Variants in ZNF114 observed in about 807,000 individuals in gnomAD.
The protein encoded by ZNF114 is zinc finger protein 114 (Y18).
A neutral mutation model predicts 6.8 loss-of-function variants in ZNF114; 8 were observed. That is an observed-to-expected ratio of 1.18 (90% CI 0.69 to 2.13). The LOEUF is 2.13. Ranked by LOEUF, ZNF114 falls within the 30% of genes most tolerant of loss-of-function variation. The pLI, the probability that ZNF114 is intolerant of heterozygous loss-of-function variation, is 0.00. For synonymous variants in ZNF114, 169 were observed against 185.5 expected (o/e 0.91, Z 0.72); for missense variants, 472 against 519.5 (o/e 0.91, Z 0.89).
At chr19:48,283,163 G>T (rs1476160806) in intron 5 of ZNF114, among the ~76,000 whole-genome samples, 6 of 152,066 alleles carry the variant, frequency 3.9e-5, no homozygotes, top group Admixed American at 3.3e-4. Context: ...TTACAGGCAT[G>T]CTCTACCACC....
intron 3 of ZNF114, 104 bp from the exon 4 acceptor site, chr19:48,279,627 G>A (rs1457681942): frequency 8.1e-6 from 6 of 742,894 alleles, no homozygotes; most frequent in Non-Finnish European, 1.1e-5. Flanking sequence ...GGAAGTGTGT[G>A]CACACGTGCA....
At chr19:48,275,419 AACACACACACACAC>A (rs58275965) in intron 3 of ZNF114, among the ~76,000 whole-genome samples, 127 of 133,194 alleles carry the variant, frequency 9.5e-4, no homozygotes, top group East Asian at 3.9e-3. Flanking sequence ...TCTCTACTAA[AACACACACACACAC>A]ACACACACAC....
In ZNF114 at chr19:48,287,421, TG is replaced by T. The variant is rs1413632835; in HGVS notation, c.*546del. ...CTGAGGTAGGAGAATGGTGTAAACCTGGGAGGTGGAGCTTGCAGTGAGCCGA... is the reference window on the plus strand; with the variant it reads ...CTGAGGTAGGAGAATGGTGTAAACCTGGAGGTGGAGCTTGCAGTGAGCCGA... On this transcript the variant is annotated 3_prime_UTR_variant, in exon 6 of 6. Transcript: ENST00000595607. 1 of 150,118 alleles carries T rather than the reference TG, an allele frequency of 6.7e-6. No homozygotes were observed. Among genetic ancestry groups the T allele is most frequent in the East Asian group, 2.0e-4 (1 of 5,116 alleles). 9.3% of individuals were successfully genotyped at this position (150,118 alleles called of 1,614,324 possible). A position where few individuals can be genotyped will look rare whatever the true frequency, so the allele number is the denominator to read the frequency against.
At chr19:48,277,841 C>T (rs1380472970) in intron 3 of ZNF114, among the ~76,000 whole-genome samples, 2 of 19,872 alleles carry the variant, frequency 1.0e-4, no homozygotes, top group Non-Finnish European at 1.4e-4. Context: ...GTGTTCGTGA[C>T]GATATGAAGC....
Position 48,286,365 on chromosome 19 carries a change from G to T in ZNF114, c.741G>T (p.Met247Ile), listed in dbSNP as rs985431829. ...ACAACACTCATGGTCGAGAGAAAAT[G>T]TATGATTTTACTCAGTGCGAGAACA... ...RAHNTHGREK[M>I]YDFTQCENTS... The change falls in exon 6 of 6, where the codon ATG becomes ATT. Residue 247 changes from methionine (M) to isoleucine (I), a missense_variant. Transcript: ENST00000595607. 1 of 1,614,182 alleles carries T rather than the reference G, an allele frequency of 6.2e-7. No individual in the cohort carries two copies. The highest frequency in any genetic ancestry group is 8.5e-7 in the Non-Finnish European group (1 of 1,180,046).
intron 3 of ZNF114, among the ~76,000 whole-genome samples, chr19:48,272,493 C>T (rs1298120569): frequency 6.7e-6 from 1 of 149,114 alleles, no homozygotes; most frequent in African/African-American, 2.5e-5. Context: ...ACACGGGAGG[C>T]TGAGGCAGGA....
intron 3 of ZNF114, among the ~76,000 whole-genome samples, chr19:48,279,487 AGTGT>A (rs869267861): frequency 0.024 from 1,569 of 65,198 alleles, 53 homozygotes; most frequent in Middle Eastern, 0.12. Flanking sequence ...TGTGTGTGTG[AGTGT>A]GTGTGTGGGT....
intron 4 of ZNF114, 50 bp from the exon 5 acceptor site, chr19:48,282,321 A>C: frequency 6.2e-7 from 1 of 1,607,978 alleles, no homozygotes. Context: ...GTCACAGTTC[A>C]AACTGATAAC....
intron 4 of ZNF114, among the ~76,000 whole-genome samples, chr19:48,280,931 A>G (rs1967971053): frequency 6.6e-6 from 1 of 152,168 alleles, no homozygotes; most frequent in Non-Finnish European, 1.5e-5. Context: ...AAAGACACAC[A>G]GTTGGTCAAC....
At chr19:48,275,192 G>A (rs1967792206) in intron 3 of ZNF114, among the ~76,000 whole-genome samples, 1 of 121,346 alleles carries the variant, frequency 8.2e-6, no homozygotes, top group African/African-American at 3.1e-5. Context: ...AAGAGAGAGA[G>A]AAAAAGAGAG....
chr19:48,276,849 C>G (rs1967848875), intron 3 of ZNF114, among the ~76,000 whole-genome samples: 2 of 152,198 alleles, frequency 1.3e-5, no homozygotes, highest in African/African-American at 2.4e-5. Context: ...TAAAAATATT[C>G]AATTGTCCCA....
Position 48,286,760 on chromosome 19 carries a change from T to G in ZNF114, c.1136T>G (p.Ile379Arg), listed in dbSNP as rs780341411. ...CGGGAGTCCTCAAAATATACACATATAAGGAGCCACACTGGAGAGAAACCC... is the reference window on the plus strand; with the variant it reads ...CGGGAGTCCTCAAAATATACACATAGAAGGAGCCACACTGGAGAGAAACCC... Reference protein sequence around the residue: ...VIRESSKYTHIRSHTGEKPYK... With the variant: ...VIRESSKYTHRRSHTGEKPYK... Residue 379 changes from isoleucine (I) to arginine (R), a missense_variant, in exon 6 of 6, where the codon ATA becomes AGA. Physicochemically the swap from Ile to Arg is moderately conservative, Grantham distance 97. Transcript: ENST00000595607. 7 of 1,613,684 alleles carry G rather than the reference T, an allele frequency of 4.3e-6. No individual in the cohort carries two copies. Among genetic ancestry groups the G allele is most frequent in the Non-Finnish European group, 5.9e-6 (7 of 1,179,950 alleles).
At chr19:48,285,691 C>T in intron 5 of ZNF114, 70 bp from the exon 6 acceptor site, 5 of 1,494,666 alleles carry the variant, frequency 3.3e-6, no homozygotes, top group Non-Finnish European at 4.5e-6. Flanking sequence ...ACGGAGATTG[C>T]CTATGTCATC....
In ZNF114 at chr19:48,286,502, C is replaced by T; in HGVS notation, c.878C>T (p.Ser293Leu). The T allele has an allele frequency of 6.2e-7, 1 of 1,614,154 alleles. No individual in the cohort carries two copies. The highest frequency in any genetic ancestry group is 1.1e-5 in the South Asian group (1 of 91,060). ...ATSANAPNSG[S>L]HKSHCTGEKT... ...TCTGCCAACGCTCCAAATTCCGGTT[C>T]ACACAAGAGTCATTGCACTGGAGAG... Residue 293 changes from serine (S) to leucine (L), a missense_variant, in exon 6 of 6, where the codon TCA becomes TTA. Physicochemically the swap from Ser to Leu is moderately radical, Grantham distance 145. Coordinates refer to ENST00000595607, the MANE Select transcript of ZNF114 (RefSeq NM_153608.4).
At chr19:48,270,552 G>A (rs1188238086) in intron 1 of ZNF114, among the ~76,000 whole-genome samples, 2 of 134,834 alleles carry the variant, frequency 1.5e-5, no homozygotes, top group East Asian at 2.2e-4. Context: ...AGGGAGGGAG[G>A]GAAGAAAGAG....
chr19:48,277,986 G>A (rs1462914566), intron 3 of ZNF114, among the ~76,000 whole-genome samples: 1 of 151,788 alleles, frequency 6.6e-6, no homozygotes, highest in African/African-American at 2.4e-5. Flanking sequence ...ATGCTGGGGT[G>A]TGCAGTGGTG....
Position 48,282,440 on chromosome 19 carries a change from C to T in ZNF114, c.79C>T (p.Gln27Ter). The T allele has an allele frequency of 1.2e-6, 2 of 1,613,372 alleles. No individual in the cohort carries two copies. The highest frequency in any genetic ancestry group is 1.7e-6 in the Non-Finnish European group (2 of 1,179,624). ...KEEWTLLDPA[Q>*]RNLYRDVMLE... The stretch of plus-strand genomic sequence containing the variant: ...GGAGTGGACCCTGCTGGACCCAGCT[C>T]AGAGGAATCTCTACAGAGACGTGAT... The change falls in exon 5 of 6, where the codon CAG becomes TAG. Residue 27 changes from glutamine (Q) to a stop codon, truncating the protein, a stop_gained. Transcript: ENST00000595607. LOFTEE classifies it high-confidence loss of function.
chr19:48,280,044 C>A (rs546497452), intron 4 of ZNF114, among the ~76,000 whole-genome samples: 1 of 152,236 alleles, frequency 6.6e-6, no homozygotes, highest in African/African-American at 2.4e-5. Flanking sequence ...TCCTGGCTGC[C>A]AGTGGGCTTC....
chr19:48,281,700 T>A (rs1288484774), intron 4 of ZNF114: 1 of 149,312 alleles, frequency 6.7e-6, no homozygotes, highest in African/African-American at 2.5e-5. Flanking sequence ...GTAATTTTTT[T>A]ATTTTTTGTA....
Sources: allele counts gnomAD v4.1 joint callset (sites outside exome capture counted in the v4.1 genomes callset), GRCh38; gene constraint gnomAD v4.1.1; transcripts MANE v1.5; gene names NCBI Gene and HGNC (gene_info 2026-07-23, HGNC 2026-07-21).